HNRNPUL2: variants seen among roughly 807,000 people sequenced by gnomAD.
HNRNPUL2 encodes heterogeneous nuclear ribonucleoprotein U-like protein 2.
In HNRNPUL2, 27 loss-of-function variants were observed where a neutral mutation model predicts 102.2. That is an observed-to-expected ratio of 0.26 (90% CI 0.19 to 0.36). The LOEUF is 0.36. HNRNPUL2 is among the 10% of genes least tolerant of loss of function. HNRNPUL2 has a pLI of 1.00. For synonymous variants in HNRNPUL2, 458 were observed against 387.2 expected (o/e 1.18, Z -2.15); for missense variants, 936 against 981.1 (o/e 0.95, Z 0.61).
At chr11:62,718,269 ACTCT>A (rs572671595) in intron 10 of HNRNPUL2, among the ~76,000 whole-genome samples, 44 of 152,218 alleles carry the variant, frequency 2.9e-4, no homozygotes, top group Non-Finnish European at 3.5e-4. Flanking sequence ...TGTAGACATT[ACTCT>A]CTGTCTTATG....
At position 62,715,079 on chromosome 11, in the gene HNRNPUL2, ATTC is replaced by A. The variant is rs1354955265; in HGVS notation, c.*217_*219del. The A allele has an allele frequency of 1.3e-5, 7 of 549,574 alleles. No homozygotes were observed. The Admixed American group carries it at 1.3e-4, about 10-fold the overall frequency. 34.0% of individuals were successfully genotyped at this position (549,574 alleles called of 1,614,324 possible). Reference sequence around the variant, plus strand: ...GAAATGTTTTATAGAATAAGACAATATTCTTTTCAACAAACTTTAAAAAAAATG... The same window carrying A: ...GAAATGTTTTATAGAATAAGACAATATTTTCAACAAACTTTAAAAAAAATG... On this transcript the variant is annotated 3_prime_UTR_variant, in exon 14 of 14. Coordinates refer to ENST00000301785, the MANE Select transcript of HNRNPUL2 (RefSeq NM_001079559.3).
In HNRNPUL2 at chr11:62,713,862, A is replaced by G. The variant is rs2083637726; in HGVS notation, c.*1437T>C. ...GGATGAATGAAAACTGAAGCTAGACATTGAAAGAGCATTCCATATCCCACC... is the reference window on the plus strand; with the variant it reads ...GGATGAATGAAAACTGAAGCTAGACGTTGAAAGAGCATTCCATATCCCACC... On this transcript the variant is annotated 3_prime_UTR_variant, in exon 14 of 14. Coordinates refer to ENST00000301785, the MANE Select transcript of HNRNPUL2 (RefSeq NM_001079559.3). The G allele has an allele frequency of 6.6e-6, 1 of 152,260 alleles. No individual in the cohort carries two copies. The highest frequency in any genetic ancestry group is 2.4e-5 in the African/African-American group (1 of 41,454). The allele number at this position is 152,260 out of a possible 1,614,324, so 9.4% of individuals were successfully genotyped here.
At chr11:62,717,630 C>T (rs1318676140) in intron 10 of HNRNPUL2, among the ~76,000 whole-genome samples, 5 of 152,280 alleles carry the variant, frequency 3.3e-5, no homozygotes, top group African/African-American at 9.6e-5. Context: ...CCAAGGCAGG[C>T]GGACTGCTTG....
In HNRNPUL2 at chr11:62,722,335, C is replaced by T. The variant is rs1402131437; in HGVS notation, c.1141G>A (p.Glu381Lys). 6.2e-7 allele frequency: 1 copy of T among 1,613,906 alleles called. No homozygotes were observed. Among genetic ancestry groups the T allele is most frequent in the Admixed American group, 1.7e-5 (1 of 59,998 alleles). ...ATCCAGAATGCCACACCTAGGTCTT[C>T]TCCATTCTTGGAGAAGGAAAGTTCT... Reference protein sequence around the residue: ...EVELSFSKNGEDLGVAFWISK... With the variant: ...EVELSFSKNGKDLGVAFWISK... Residue 381 changes from glutamate (E) to lysine (K), a missense_variant, in exon 7 of 14, where the codon GAA (glutamate) becomes AAA (lysine). Around this residue, in one of 2 missense-constraint regions of HNRNPUL2, gnomAD observed 609 missense variants for 713.0 expected, o/e 0.85. Transcript: ENST00000301785.
At position 62,713,728 on chromosome 11, in the gene HNRNPUL2, G is replaced by A. The variant is rs997066772; in HGVS notation, c.*1571C>T. On this transcript the variant is annotated 3_prime_UTR_variant, in exon 14 of 14. Transcript: ENST00000301785. ...ATTTTAAACAGAGAACTGCCCAGGT[G>A]AGGAAATGGAAGTGAAGCATTTTCT... The A allele has an allele frequency of 6.6e-6, 1 of 152,264 alleles. No individual in the cohort carries two copies. The highest frequency in any genetic ancestry group is 1.5e-5 in the Non-Finnish European group (1 of 68,072). 9.4% of individuals were successfully genotyped at this position (152,264 alleles called of 1,614,324 possible).
At chr11:62,719,982 G>A (rs749578521) in intron 10 of HNRNPUL2, 41 bp downstream of exon 10, 3 of 1,546,292 alleles carry the variant, frequency 1.9e-6, no homozygotes, top group African/African-American at 2.7e-5. Flanking sequence ...GAAGTCTATG[G>A]TATTCTGTTA....
Position 62,727,007 on chromosome 11 carries a change from C to A in HNRNPUL2, c.150G>T (p.Gly50=). The A allele has an allele frequency of 2.2e-6, 3 of 1,362,678 alleles. No homozygotes were observed. The highest frequency in any genetic ancestry group is 2.8e-6 in the Non-Finnish European group (3 of 1,059,486). The allele number at this position is 1,362,678 out of a possible 1,614,324, so 84.4% of individuals were successfully genotyped here. The change falls in exon 1 of 14, where the codon GGG becomes GGT. Residue 50 remains glycine, a synonymous_variant. Transcript: ENST00000301785. ...CCTTGCAGGCCCCGCCGGGCCCGGC[C>A]CCGCCGCCGCCGGCCTCGTCCTCGA... ...EMLEDEAGGG[G]AGPGGACKAE...
chr11:62,724,417 T>C lies in HNRNPUL2; in HGVS notation c.548A>G (p.Gln183Arg). The C allele has an allele frequency of 6.2e-7, 1 of 1,614,204 alleles. No individual in the cohort carries two copies. The highest frequency in any genetic ancestry group is 8.5e-7 in the Non-Finnish European group (1 of 1,180,020). ...TGCTGGTTTTGACTTTTCACTATCCTGGTCATCTCCTACAAAAACGAGGGA... is the reference window on the plus strand; with the variant it reads ...TGCTGGTTTTGACTTTTCACTATCCCGGTCATCTCCTACAAAAACGAGGGA... ...DKAAEEQGDDQDSEKSKPAGS... is the reference protein window; with the variant it reads ...DKAAEEQGDDRDSEKSKPAGS... Residue 183 changes from glutamine to arginine, a missense_variant, in exon 2 of 14, where the codon CAG (glutamine) becomes CGG (arginine). Physicochemically the swap from Gln to Arg is conservative, Grantham distance 43. Transcript: ENST00000301785.
chr11:62,727,348 G>A lies in HNRNPUL2; in HGVS notation c.-192C>T. 1.6e-6 allele frequency: 1 copy of A among 635,822 alleles called. No homozygotes were observed. The highest frequency in any genetic ancestry group is 2.2e-6 in the Non-Finnish European group (1 of 455,830). 39.4% of individuals were successfully genotyped at this position (635,822 alleles called of 1,614,324 possible). ...GCTGCGCAGTGTTTGCTTCTCCTTC[G>A]TCTCCCCTCCCCCTTTCGGCTCACG... On this transcript the variant is annotated 5_prime_UTR_variant, in exon 1 of 14. The change creates a new upstream start codon in the 5' untranslated region. Transcript: ENST00000301785.
At position 62,724,386 on chromosome 11, in the gene HNRNPUL2, T is replaced by A. The variant is rs760442432; in HGVS notation, c.579A>T (p.Ser193=). 1 of 1,614,104 alleles carries A rather than the reference T, an allele frequency of 6.2e-7. No homozygotes were observed. Among genetic ancestry groups the A allele is most frequent in the African/African-American group, 1.3e-5 (1 of 74,942 alleles). ...TCTTTACCCCCCGCCGCTCACCATC[T>A]GAGCCTGCTGGTTTTGACTTTTCAC... ...QDSEKSKPAG[S]DGERRGVKRQ... Residue 193 remains serine, a synonymous_variant, in exon 2 of 14, where the codon TCA becomes TCT. Transcript: ENST00000301785.
chr11:62,718,065 T>C (rs1344871030), intron 10 of HNRNPUL2, among the ~76,000 whole-genome samples: 2 of 152,154 alleles, frequency 1.3e-5, no homozygotes, highest in Non-Finnish European at 2.9e-5. Flanking sequence ...TGGACTGGCA[T>C]AGTTCATTCT....
chr11:62,716,461 G>A (rs1359097310), intron 11 of HNRNPUL2, among the ~76,000 whole-genome samples: 1 of 152,146 alleles, frequency 6.6e-6, no homozygotes. Flanking sequence ...AGCAGTGAAT[G>A]CACACTGGGG....
chr11:62,722,524 T>G, intron 6 of HNRNPUL2, 77 bp downstream of exon 6: 1 of 1,430,256 alleles, frequency 7.0e-7, no homozygotes, highest in East Asian at 2.3e-5. Context: ...AGCCAGCAGT[T>G]GATGGGAAGC....
chr11:62,719,752 AT>A (rs2083686330), intron 10 of HNRNPUL2, among the ~76,000 whole-genome samples: 1 of 152,120 alleles, frequency 6.6e-6, no homozygotes, highest in Non-Finnish European at 1.5e-5. Flanking sequence ...TTTTAATGTG[AT>A]TTGGTCATGA....
At chr11:62,720,711 A>G (rs1288153284) in intron 9 of HNRNPUL2, among the ~76,000 whole-genome samples, 1 of 151,770 alleles carries the variant, frequency 6.6e-6, no homozygotes, top group Admixed American at 6.6e-5. Context: ...AAAAATACAA[A>G]AAATTAGCCA....
chr11:62,722,051 T>C lies in HNRNPUL2; in HGVS notation c.1359+66A>G, dbSNP rs140034948. The C allele has an allele frequency of 4.4e-6, 7 of 1,600,498 alleles. No homozygotes were observed. The East Asian group carries it at 1.6e-4, about 36-fold the overall frequency. On this transcript the variant is annotated intron_variant, in intron 7 of 13. Transcript: ENST00000301785. ...CCTGTTTGGTAACGCTCTGAGACCC[T>C]GGAGAGCATACGCACCCACCTCTGC... is the stretch of plus-strand genomic sequence containing the variant.
Position 62,721,369 on chromosome 11 carries a change from G to A in HNRNPUL2, c.1537C>T (p.Gln513Ter). 6.2e-7 allele frequency: 1 copy of A among 1,610,020 alleles called. No individual in the cohort carries two copies. The highest frequency in any genetic ancestry group is 8.5e-7 in the Non-Finnish European group (1 of 1,178,662). Reference protein sequence around the residue: ...MDPKSRDLLVQQASQCLSKLV... With the variant: ...MDPKSRDLLV The stretch of plus-strand genomic sequence containing the variant: ...TTACTAAGGCACTGGGAGGCTTGCT[G>A]AACTAAAAGGTCTCGGCTTTTGGGG... Residue 513 changes from glutamine to a stop codon, truncating the protein, a stop_gained, in exon 9 of 14, where the codon CAG (glutamine) becomes TAG (stop). Transcript: ENST00000301785. LOFTEE classifies it high-confidence loss of function.
rs1340232033 is a variant in HNRNPUL2 at position 62,727,179 on chromosome 11, T to C, written c.-23A>G. ...CATCGCCGCCGCCGCCTCCTCCGCC[T>C]CCCGCCGCCTCCTCCCCTGCGAACC... On this transcript the variant is annotated 5_prime_UTR_variant, in exon 1 of 14. Transcript: ENST00000301785. The C allele has an allele frequency of 1.5e-6, 2 of 1,370,320 alleles. No individual in the cohort carries two copies. Among genetic ancestry groups the C allele is most frequent in the Non-Finnish European group, 1.9e-6 (2 of 1,059,008 alleles). 84.9% of individuals were successfully genotyped at this position (1,370,320 alleles called of 1,614,324 possible). A position where few individuals can be genotyped will look rare whatever the true frequency, so the allele number is the denominator to read the frequency against.
In HNRNPUL2 at chr11:62,715,459, T is replaced by C. The variant is rs185018005; in HGVS notation, c.2163+41A>G. ...GGCATAACACTCATCCTTCTGCTCC[T>C]GCCCCCCTTCACCCTGTGTCTATCC... is the stretch of plus-strand genomic sequence containing the variant. On this transcript the variant is annotated intron_variant, in intron 13 of 13. Coordinates refer to ENST00000301785, the MANE Select transcript of HNRNPUL2 (RefSeq NM_001079559.3). 13 of 1,579,534 alleles carry C rather than the reference T, an allele frequency of 8.2e-6. No homozygotes were observed. In the Admixed American group the frequency reaches 8.3e-5, roughly 10 times the overall value.
Sources: allele counts gnomAD v4.1 joint callset (sites outside exome capture counted in the v4.1 genomes callset), GRCh38; gene constraint gnomAD v4.1.1; regional missense constraint gnomAD v4.1.1; transcripts MANE v1.5; gene names NCBI Gene and HGNC (gene_info 2026-07-23, HGNC 2026-07-21).